The following FRS2 variants were observed in gnomAD, a reference collection of about 807,000 sequenced individuals.
The protein encoded by FRS2 is FGFR signalling adaptor.
Under a neutral mutation model 43.9 loss-of-function variants are expected in FRS2, and 8 were observed. The ratio of observed to expected loss-of-function variants is 0.18; its 90% CI spans 0.11 to 0.33. The LOEUF (loss-of-function observed/expected upper bound fraction) is 0.33. Among genes scored for constraint, FRS2 ranks in the 10% least tolerant of loss-of-function variants. The pLI, the probability that FRS2 is intolerant of heterozygous loss-of-function variation, is 1.00. For synonymous variants in FRS2, 219 were observed against 220.3 expected (o/e 0.99, Z 0.05); for missense variants, 534 against 627.6 (o/e 0.85, Z 1.59).
chr12:69,540,428 G>T (rs1877795345), intron 3 of FRS2, among the ~76,000 whole-genome samples: 1 of 151,570 alleles, frequency 6.6e-6, no homozygotes, highest in East Asian at 1.9e-4. Context: ...AGCTAACAGT[G>T]ATCAAAGTTG....
intron 1 of FRS2, among the ~76,000 whole-genome samples, chr12:69,481,855 C>T (rs536677893): frequency 6.6e-6 from 1 of 152,292 alleles, no homozygotes; most frequent in African/African-American, 2.4e-5. Context: ...CAGATTATCA[C>T]ATCTGGAGAT....
At chr12:69,540,038 T>A (rs1291759526) in intron 3 of FRS2, among the ~76,000 whole-genome samples, 1 of 151,272 alleles carries the variant, frequency 6.6e-6, no homozygotes, top group Non-Finnish European at 1.5e-5. Flanking sequence ...TGGATCATGA[T>A]GTCAGGAGAT....
At chr12:69,564,569 CCT>C (rs1880130124) in intron 4 of FRS2, among the ~76,000 whole-genome samples, 1 of 152,228 alleles carries the variant, frequency 6.6e-6, no homozygotes, top group African/African-American at 2.4e-5. Context: ...CTGGAAACTG[CCT>C]CTGTTTTCCA....
At chr12:69,474,091 T>G (rs1024377115) in intron 1 of FRS2, among the ~76,000 whole-genome samples, 2 of 152,178 alleles carry the variant, frequency 1.3e-5, no homozygotes, top group Admixed American at 6.5e-5. Flanking sequence ...TCCGCCTGCC[T>G]CAGCCTCCCA....
At chr12:69,557,596 G>T (rs2856643) in intron 3 of FRS2, among the ~76,000 whole-genome samples, 5,342 of 26,114 alleles carry the variant, frequency 0.2, 109 homozygotes, top group South Asian at 0.29. Context: ...AAGGTTGATT[G>T]TGTGTGTGTG....
intron 3 of FRS2, among the ~76,000 whole-genome samples, chr12:69,533,935 AG>A (rs1239755525): frequency 6.6e-6 from 1 of 152,134 alleles, no homozygotes; most frequent in Admixed American, 6.5e-5. Flanking sequence ...GTGCTATTCT[AG>A]GTCATTTTAG....
chr12:69,568,042 T>C (rs575376926), intron 4 of FRS2, among the ~76,000 whole-genome samples: 1 of 152,356 alleles, frequency 6.6e-6, no homozygotes, highest in African/African-American at 2.4e-5. Flanking sequence ...TATATTGTCA[T>C]ATTCTATCTG....
At chr12:69,480,314 A>G (rs1181369217) in intron 1 of FRS2, 2 of 152,140 alleles carry the variant, frequency 1.3e-5, no homozygotes, top group Admixed American at 1.3e-4. Context: ...GGCAACCACT[A>G]TTTGAGTTTC....
intron 3 of FRS2, among the ~76,000 whole-genome samples, chr12:69,561,003 G>A (rs964579653): frequency 4.6e-5 from 7 of 152,130 alleles, no homozygotes; most frequent in African/African-American, 1.7e-4. Context: ...AAGAATGAGA[G>A]GAATAGAGAT....
At chr12:69,559,504 A>G (rs1271378901) in intron 3 of FRS2, among the ~76,000 whole-genome samples, 2 of 152,138 alleles carry the variant, frequency 1.3e-5, no homozygotes, top group Non-Finnish European at 2.9e-5. Context: ...ATACAACCAT[A>G]TTCATGGATG....
At chr12:69,527,859 G>A (rs1057350780) in intron 1 of FRS2, among the ~76,000 whole-genome samples, 6 of 152,174 alleles carry the variant, frequency 3.9e-5, no homozygotes, top group Non-Finnish European at 5.9e-5. Context: ...TCCAAACAAA[G>A]CAGATTTGAA....
At chr12:69,559,463 A>G (rs12311400) in intron 3 of FRS2, among the ~76,000 whole-genome samples, 4,345 of 152,198 alleles carry the variant, frequency 0.029, 207 homozygotes, top group African/African-American at 0.099. Flanking sequence ...TTAAAAAAAA[A>G]CTAAAGAAAG....
chr12:69,495,713 C>T (rs1662349688), intron 1 of FRS2, among the ~76,000 whole-genome samples: 1 of 152,176 alleles, frequency 6.6e-6, no homozygotes, highest in African/African-American at 2.4e-5. Flanking sequence ...CATAGCAAGA[C>T]ACTGTCTCTA....
intron 1 of FRS2, among the ~76,000 whole-genome samples, chr12:69,516,405 A>G (rs955802287): frequency 6.6e-6 from 1 of 151,668 alleles, no homozygotes; most frequent in African/African-American, 2.4e-5. Flanking sequence ...TTTAGTAGAG[A>G]CGGGGTTTCT....
chr12:69,475,044 T>C (rs1870645518), intron 1 of FRS2, among the ~76,000 whole-genome samples: 1 of 146,630 alleles, frequency 6.8e-6, no homozygotes, highest in African/African-American at 2.5e-5. Context: ...ATAACACATA[T>C]GAAAGTTACA....
At chr12:69,534,420 G>C (rs142833077) in intron 3 of FRS2, among the ~76,000 whole-genome samples, 241 of 152,244 alleles carry the variant, frequency 1.6e-3, no homozygotes, top group African/African-American at 5.5e-3. Flanking sequence ...TTGCTGCCAC[G>C]TAACAAAAGT....
chr12:69,516,566 G>A (rs546888671), intron 1 of FRS2, among the ~76,000 whole-genome samples: 12 of 152,256 alleles, frequency 7.9e-5, no homozygotes, highest in African/African-American at 2.9e-4. Flanking sequence ...CTTGTAGACC[G>A]TCTGAATGTG....
intron 1 of FRS2, among the ~76,000 whole-genome samples, chr12:69,517,745 A>G (rs1314080470): frequency 6.6e-6 from 1 of 152,182 alleles, no homozygotes; most frequent in Non-Finnish European, 1.5e-5. Flanking sequence ...TTATACATGT[A>G]TTAAGCTAAA....
rs1880823566 is a variant in FRS2, at chr12:69,572,200, C to T, written c.495C>T (p.Ser165=). 1 of 1,612,726 alleles carries T rather than the reference C, an allele frequency of 6.2e-7. No homozygotes were observed. The highest frequency in any genetic ancestry group is 1.3e-5 in the African/African-American group (1 of 74,902). ...GAGATGCTTCATCCCATCCGTCAAG[C>T]AGACATCCTTCTGTGGGAAGTGCTC... The part of the protein sequence containing the change: ...SFGDASSHPS[S]RHPSVGSARL... Residue 165 remains serine, a synonymous_variant, in exon 8 of 9, where the codon AGC becomes AGT. Coordinates refer to ENST00000549921, the MANE Select transcript of FRS2 (RefSeq NM_001278356.2).
Sources: gnomAD v4.1 joint callset for allele counts (sites outside exome capture counted in the v4.1 genomes callset) on GRCh38, gnomAD v4.1.1 for gene constraint, MANE v1.5 for transcripts, NCBI Gene and HGNC (gene_info 2026-07-23, HGNC 2026-07-21) for gene names.